MTRF1: variants seen among roughly 807,000 people sequenced by gnomAD.
The protein encoded by MTRF1 is mitochondrial translation release factor 1.
MTRF1 carries 51 observed loss-of-function variants against 62.9 expected under a neutral mutation model. The observed-to-expected ratio is 0.81, with a 90% CI of 0.65 to 1.02. The LOEUF (loss-of-function observed/expected upper bound fraction) is 1.02. MTRF1 is among the 50% of genes least tolerant of loss of function. MTRF1 has a pLI of 0.00. For synonymous variants in MTRF1, 158 were observed against 181.9 expected, an observed-to-expected ratio of 0.87 and a Z score of 1.06; for missense variants, 446 against 530.0, an observed-to-expected ratio of 0.84 and a Z score of 1.56.
intron 5 of MTRF1, among the ~76,000 whole-genome samples, chr13:41,249,309 A>C (rs1205658332): frequency 6.6e-6 from 1 of 152,262 alleles, no homozygotes; most frequent in Admixed American, 6.5e-5. Flanking sequence ...TGGGAGGCCG[A>C]GGTGGGTGGA....
At chr13:41,302,408 CT>C in the MTRF1 span, among the ~76,000 whole-genome samples, 14 of 29,194 alleles carry the variant, frequency 4.8e-4, no homozygotes, top group Non-Finnish European at 1.5e-3. Context: ...AGAGAGAGAC[CT>C]TTGTTCTCAG....
At chr13:41,297,457 G>A in the MTRF1 span, among the ~76,000 whole-genome samples, 2 of 152,118 alleles carry the variant, frequency 1.3e-5, no homozygotes, top group Non-Finnish European at 2.9e-5. Flanking sequence ...GCTTTTGCCA[G>A]TAACTGTAGA....
the MTRF1 span, among the ~76,000 whole-genome samples, chr13:41,279,584 C>G: frequency 6.6e-6 from 1 of 152,046 alleles, no homozygotes; most frequent in African/African-American, 2.4e-5. Context: ...TCATGCCCTA[C>G]AAACCATAAA....
the MTRF1 span, among the ~76,000 whole-genome samples, chr13:41,282,376 G>C: frequency 6.6e-6 from 1 of 151,836 alleles, no homozygotes; most frequent in Non-Finnish European, 1.5e-5. Context: ...AGGATTGCTT[G>C]AGCCTGGTAG....
chr13:41,287,376 G>C, the MTRF1 span, among the ~76,000 whole-genome samples: 1 of 152,182 alleles, frequency 6.6e-6, no homozygotes, highest in Non-Finnish European at 1.5e-5. Context: ...CAGAGCGAGA[G>C]CTCACTTATC....
chr13:41,251,728 T>A lies in MTRF1; in HGVS notation c.697+917A>T, dbSNP rs76349329. 3.6e-3 allele frequency among the ~76,000 whole-genome samples: 550 copies of A among 152,278 alleles called. 29 individuals are homozygous for A. The East Asian group carries it at 0.097, about 27-fold the overall frequency. On this transcript the variant is annotated intron_variant, in intron 5 of 9. Transcript: ENST00000379480. ...TAGTTTGTGGTTTATTACTGATGAC[T>A]CCTCTGTCTACTACAATGTATCACT...
At chr13:41,265,839 G>GTTTTTTGT (rs955656428), upstream of MTRF1, among the ~76,000 whole-genome samples, 2 of 152,040 alleles carry the variant, frequency 1.3e-5, no homozygotes, top group Admixed American at 6.6e-5. Flanking sequence ...CCAGCTGGTG[G>GTTTTTTGT]TTTTTTGTTT....
intron 6 of MTRF1, among the ~76,000 whole-genome samples, chr13:41,238,523 G>A (rs2037035136): frequency 6.6e-6 from 1 of 152,116 alleles, no homozygotes; most frequent in African/African-American, 2.4e-5. Context: ...CTTTACAGAA[G>A]AATGCCAGTT....
intron 9 of MTRF1, among the ~76,000 whole-genome samples, chr13:41,218,100 T>C (rs372074762): frequency 6.6e-6 from 1 of 151,876 alleles, no homozygotes; most frequent in East Asian, 1.9e-4. Flanking sequence ...CTAGGTATAG[T>C]CTATATTGTG....
At chr13:41,309,992 G>A in the MTRF1 span, among the ~76,000 whole-genome samples, 13,550 of 151,878 alleles carry the variant, frequency 0.089, 752 homozygotes, top group East Asian at 0.23. Context: ...ACAAAACATC[G>A]TCTCAAAAAA....
rs751304389 is a variant in MTRF1 at position 41,260,623 on chromosome 13, A to G, written c.285T>C (p.His95=). The G allele has an allele frequency of 9.3e-6, 15 of 1,614,064 alleles. No homozygotes were observed. The highest frequency in any genetic ancestry group is 1.3e-5 in the African/African-American group (1 of 74,940). Residue 95 remains histidine (H), a synonymous_variant, in exon 2 of 10, where the codon CAT becomes CAC. Coordinates refer to ENST00000379480, the MANE Select transcript of MTRF1 (RefSeq NM_004294.4). ...TTCGGTTTTCCTCATTCACAGGGAT[A>G]TGCTGCAGACATTGCTCAAGTGTTT... The part of the protein sequence containing the change: ...EYQTLEQCLQ[H]IPVNEENRRS...
upstream of MTRF1, among the ~76,000 whole-genome samples, chr13:41,265,071 G>A (rs534912478): frequency 2.6e-5 from 4 of 152,270 alleles, no homozygotes; most frequent in South Asian, 8.3e-4. Context: ...TATTTATTCT[G>A]ATTTGTGCTT....
intron 9 of MTRF1, among the ~76,000 whole-genome samples, chr13:41,218,273 C>T (rs2032334277): frequency 1.3e-5 from 2 of 148,938 alleles, no homozygotes; most frequent in South Asian, 4.2e-4. Flanking sequence ...ATGCTACACA[C>T]CCAGCTAATT....
intron 9 of MTRF1, chr13:41,220,416 G>C: frequency 2.8e-6 from 1 of 357,948 alleles, no homozygotes. Flanking sequence ...ATATAGAGCA[G>C]GAGATAAGGC....
the MTRF1 span, among the ~76,000 whole-genome samples, chr13:41,293,386 T>TTCAGAA: frequency 6.6e-6 from 1 of 152,196 alleles, no homozygotes; most frequent in Non-Finnish European, 1.5e-5. Flanking sequence ...TAGAAATGTC[T>TTCAGAA]TCAGAATTGT....
chr13:41,310,736 G>A, the MTRF1 span, among the ~76,000 whole-genome samples: 1 of 152,178 alleles, frequency 6.6e-6, no homozygotes, highest in Non-Finnish European at 1.5e-5. Context: ...GGAAAGAGAA[G>A]GCTTCTACTT....
intron 1 of MTRF1, chr13:41,263,186 A>T: frequency 2.0e-6 from 2 of 985,054 alleles, no homozygotes; most frequent in Non-Finnish European, 2.8e-6. Flanking sequence ...TAGGAACAGT[A>T]GTAGAATGCA....
the MTRF1 span, among the ~76,000 whole-genome samples, chr13:41,308,273 C>T: frequency 1.3e-5 from 2 of 152,228 alleles, no homozygotes; most frequent in East Asian, 3.9e-4. Context: ...TGGTACTATG[C>T]TTTTCTTCCC....
chr13:41,258,476 T>A (rs1460939024), intron 2 of MTRF1, among the ~76,000 whole-genome samples: 2 of 146,792 alleles, frequency 1.4e-5, no homozygotes, highest in Non-Finnish European at 3.0e-5. Context: ...AAAACTAAGA[T>A]AAAAAATAGC....
Sources: allele counts gnomAD v4.1 joint callset (sites outside exome capture counted in the v4.1 genomes callset), GRCh38; gene constraint gnomAD v4.1.1; transcripts MANE v1.5; gene names NCBI Gene and HGNC (gene_info 2026-07-23, HGNC 2026-07-21).